ZHX2: variants seen among roughly 807,000 people sequenced by gnomAD.
ZHX2 encodes zinc fingers and homeoboxes 2.
Under a neutral mutation model 21.9 loss-of-function variants are expected in ZHX2, and 6 were observed. The ratio of observed to expected loss-of-function variants is 0.27; its 90% CI spans 0.15 to 0.54. ZHX2 has a LOEUF of 0.54. Ranked by LOEUF, ZHX2 falls within the 20% of genes least tolerant of loss-of-function variation. The pLI is 0.95. For synonymous variants in ZHX2, 434 were observed against 437.1 expected, an observed-to-expected ratio of 0.99 and a Z score of 0.09; for missense variants, 908 against 1,090.7, an observed-to-expected ratio of 0.83 and a Z score of 2.36.
At chr8:122,969,809 C>A (rs1326693490) in intron 3 of ZHX2, among the ~76,000 whole-genome samples, 1 of 152,116 alleles carries the variant, frequency 6.6e-6, no homozygotes, top group Non-Finnish European at 1.5e-5. Flanking sequence ...GTTACTCACT[C>A]CCAAGTCCCT....
rs191196342 is a variant in ZHX2, at chr8:122,836,896, G to A, written c.-282-26581G>A. 5.3e-5 allele frequency among the ~76,000 whole-genome samples: 8 copies of A among 152,242 alleles called. No homozygotes were observed. The East Asian group carries it at 1.2e-3, about 22-fold the overall frequency. On this transcript the variant is annotated intron_variant, in intron 1 of 3. Coordinates refer to ENST00000314393, the MANE Select transcript of ZHX2 (RefSeq NM_014943.5). ...CTGGGCTGCATTTCCAGACAATTAG[G>A]GCATTCTAAGGCACAGGATGAGGTA...
At chr8:122,892,424 G>C (rs1647436040) in intron 2 of ZHX2, among the ~76,000 whole-genome samples, 1 of 134,466 alleles carries the variant, frequency 7.4e-6, no homozygotes, top group African/African-American at 2.6e-5. Flanking sequence ...TTACATTCAA[G>C]GTTATTATTG....
Position 122,952,777 on chromosome 8 carries a change from ATCGCTCAGGTGCCAG to A in ZHX2, c.1268_1282del (p.Ile423_Glu428delinsLys). ...TGCCCCCGAACCCAAGCGTCCACACATCGCTCAGGTGCCAGAGCCCCCACCCAAGGTGGCCAACCC... is the reference window on the plus strand; with the variant it reads ...TGCCCCCGAACCCAAGCGTCCACACAAGCCCCCACCCAAGGTGGCCAACCC... On this transcript the variant is annotated inframe_deletion, in exon 3 of 4. Coordinates refer to ENST00000314393, the MANE Select transcript of ZHX2 (RefSeq NM_014943.5). This position sits in a 1 kb window ranked among gnomAD's most constrained non-coding sequence, Gnocchi z 6.9. The A allele has an allele frequency of 1.9e-6, 3 of 1,613,958 alleles. No homozygotes were observed. Among genetic ancestry groups the A allele is most frequent in the Non-Finnish European group, 2.5e-6 (3 of 1,179,986 alleles).
chr8:122,933,817 T>A (rs1003493774), intron 2 of ZHX2, among the ~76,000 whole-genome samples: 2 of 152,154 alleles, frequency 1.3e-5, no homozygotes, highest in African/African-American at 4.8e-5. Flanking sequence ...CTCAATCTCC[T>A]CAAATGGATC....
At chr8:122,971,088 G>A (rs199821296) in intron 3 of ZHX2, among the ~76,000 whole-genome samples, 3 of 152,122 alleles carry the variant, frequency 2.0e-5, no homozygotes, top group Non-Finnish European at 4.4e-5. Context: ...CCATTTCTTC[G>A]CTATGAAGTG....
intron 2 of ZHX2, among the ~76,000 whole-genome samples, chr8:122,918,768 A>C (rs558411472): frequency 2.6e-5 from 4 of 152,040 alleles, no homozygotes; most frequent in Non-Finnish European, 5.9e-5. Flanking sequence ...AAAATGGTGA[A>C]ACCCCATCTC....
intron 3 of ZHX2, among the ~76,000 whole-genome samples, chr8:122,971,611 CAAAAA>C (rs56331425): frequency 1.3e-3 from 105 of 81,792 alleles, no homozygotes; most frequent in African/African-American, 3.3e-3. Flanking sequence ...GGCCCCTGTA[CAAAAA>C]AAAAAAAAAA....
intron 2 of ZHX2, among the ~76,000 whole-genome samples, chr8:122,944,564 T>A (rs73335716): frequency 6.6e-6 from 1 of 151,556 alleles, no homozygotes; most frequent in East Asian, 2.0e-4. Flanking sequence ...AAACCTCAAG[T>A]GGCCCCGCTC....
chr8:122,887,572 T>C (rs1248303503), intron 2 of ZHX2, among the ~76,000 whole-genome samples: 1 of 152,184 alleles, frequency 6.6e-6, no homozygotes, highest in South Asian at 2.1e-4. Context: ...CAAGTGTATA[T>C]GTACATAACA....
At position 122,828,057 on chromosome 8, in the gene ZHX2, T is replaced by A. The variant is rs1818299385; in HGVS notation, c.-282-35420T>A. ...TGAGCCCAGAAGGTTGAGGTTGGAGTGAGCCATGATCTCTCCACTGCACTC... is the reference window on the plus strand; with the variant it reads ...TGAGCCCAGAAGGTTGAGGTTGGAGAGAGCCATGATCTCTCCACTGCACTC... On this transcript the variant is annotated intron_variant, in intron 1 of 3. Coordinates refer to ENST00000314393, the MANE Select transcript of ZHX2 (RefSeq NM_014943.5). This position sits in a 1 kb window ranked among gnomAD's most constrained non-coding sequence, Gnocchi z 5.2. Among the ~76,000 whole-genome samples, 1 of 151,934 alleles carries A rather than the reference T, an allele frequency of 6.6e-6. No homozygotes were observed. Among genetic ancestry groups the A allele is most frequent in the African/African-American group, 2.4e-5 (1 of 41,358 alleles).
intron 2 of ZHX2, among the ~76,000 whole-genome samples, chr8:122,885,373 G>C (rs185596464): frequency 2.0e-5 from 3 of 152,332 alleles, no homozygotes; most frequent in Admixed American, 6.5e-5. Context: ...GCATTTGGTT[G>C]TGATCAAAGC....
Position 122,871,715 on chromosome 8 carries a change from T to A in ZHX2, c.-220+8176T>A, listed in dbSNP as rs181997258. ...AACCCTTTACATATAATAAATAAAT[T>A]CCTTTCTCAGGGCAAAAAAAAAAAA... is the stretch of plus-strand genomic sequence containing the variant. On this transcript the variant is annotated intron_variant, in intron 2 of 3. Coordinates refer to ENST00000314393, the MANE Select transcript of ZHX2 (RefSeq NM_014943.5). Among the ~76,000 whole-genome samples the A allele has an allele frequency of 8.4e-4, 91 of 108,942 alleles. 3 individuals are homozygous for A. Among genetic ancestry groups the A allele is most frequent in the Admixed American group, 5.8e-3 (55 of 9,404 alleles). 71.5% of individuals were successfully genotyped at this position (108,942 alleles called of 152,430 possible).
Position 122,951,295 on chromosome 8 carries a change from T to A in ZHX2, c.-216T>A. On this transcript the variant is annotated 5_prime_UTR_variant, in exon 3 of 4. It removes an upstream start codon present in the reference 5' UTR. Transcript: ENST00000314393. ...CTGTCTTTGTTCTTGTCCACAGATA[T>A]GATGCTTCCTGGTGTGTTTAGTGGT... 1 of 556,922 alleles carries A rather than the reference T, an allele frequency of 1.8e-6. No individual in the cohort carries two copies. The highest frequency in any genetic ancestry group is 3.2e-6 in the Non-Finnish European group (1 of 312,270). 34.5% of individuals were successfully genotyped at this position (556,922 alleles called of 1,614,324 possible).
chr8:122,894,951 G>A (rs1820062508), intron 2 of ZHX2, among the ~76,000 whole-genome samples: 1 of 152,118 alleles, frequency 6.6e-6, no homozygotes, highest in Non-Finnish European at 1.5e-5. Flanking sequence ...CTCAAGAAAT[G>A]TTTGAATCAC....
intron 3 of ZHX2, among the ~76,000 whole-genome samples, chr8:122,969,403 C>G (rs534638268): frequency 2.0e-5 from 3 of 152,140 alleles, no homozygotes; most frequent in South Asian, 4.2e-4. Flanking sequence ...CCTTACCTCC[C>G]CACTGCCCCC....
intron 2 of ZHX2, among the ~76,000 whole-genome samples, chr8:122,891,522 T>G (rs1277681414): frequency 6.6e-6 from 1 of 152,182 alleles, no homozygotes; most frequent in Non-Finnish European, 1.5e-5. Flanking sequence ...ATTAGATTGT[T>G]TATTTGAAAT....
intron 2 of ZHX2, among the ~76,000 whole-genome samples, chr8:122,933,007 T>A (rs1354279914): frequency 6.6e-6 from 1 of 152,122 alleles, no homozygotes; most frequent in Non-Finnish European, 1.5e-5. Context: ...ATCCAAGGCT[T>A]TGAGATAAAG....
chr8:122,973,568 A>C lies in ZHX2; in HGVS notation c.*331A>C, dbSNP rs952878049. On this transcript the variant is annotated 3_prime_UTR_variant, in exon 4 of 4. Coordinates refer to ENST00000314393, the MANE Select transcript of ZHX2 (RefSeq NM_014943.5). Reference sequence around the variant, plus strand: ...TGGGAATTTTGTTACCTTTTTAATCAAGGGCAACTTCCTTTTCCAGCACTA... The same window carrying C: ...TGGGAATTTTGTTACCTTTTTAATCCAGGGCAACTTCCTTTTCCAGCACTA... The C allele has an allele frequency of 2.0e-5, 3 of 152,596 alleles. No homozygotes were observed. The highest frequency in any genetic ancestry group is 7.2e-5 in the African/African-American group (3 of 41,450). The allele number at this position is 152,596 out of a possible 1,614,324, so 9.5% of individuals were successfully genotyped here.
chr8:122,904,315 C>A (rs1229413409), intron 2 of ZHX2, among the ~76,000 whole-genome samples: 1 of 152,198 alleles, frequency 6.6e-6, no homozygotes, highest in Non-Finnish European at 1.5e-5. Flanking sequence ...CCTGCTCCAC[C>A]AGCAAAAGCC....
Sources: gnomAD v4.1 joint callset for allele counts (sites outside exome capture counted in the v4.1 genomes callset) on GRCh38, gnomAD v4.1.1 for gene constraint, Gnocchi (gnomAD v3.1) non-coding constraint, MANE v1.5 for transcripts, NCBI Gene and HGNC (gene_info 2026-07-23, HGNC 2026-07-21) for gene names.